PAK3: variants seen among roughly 807,000 people sequenced by gnomAD.
PAK3 encodes the protein serine/threonine-protein kinase PAK 3.
A neutral mutation model predicts 41.0 loss-of-function variants in PAK3; 4 were observed. The ratio of observed to expected loss-of-function variants is 0.10; its 90% confidence interval spans 0.05 to 0.22. The LOEUF is 0.22. Ranked by LOEUF, PAK3 falls within the 10% of genes least tolerant of loss-of-function variation. PAK3 has a pLI of 1.00. For missense variants in PAK3, 205 were observed against 409.9 expected (o/e 0.50, Z 4.32); for synonymous variants, 146 against 139.6 (o/e 1.05, Z -0.32).
chrX:110,998,362 G>A (rs1262678485), intron 1 of PAK3, among the ~76,000 whole-genome samples: 1 of 112,217 alleles, frequency 8.9e-6, no homozygotes, highest in Non-Finnish European at 1.9e-5. Flanking sequence ...ATTCAAGGAA[G>A]AGAGAGTGGT....
intron 1 of PAK3, among the ~76,000 whole-genome samples, chrX:110,947,707 A>G (rs2090648721): frequency 8.9e-6 from 1 of 112,096 alleles, no homozygotes; most frequent in African/African-American, 3.2e-5. Context: ...TTACCCATAG[A>G]GCATGGTGTT....
chrX:111,038,430 G>A (rs1443960274), intron 1 of PAK3, among the ~76,000 whole-genome samples: 1 of 112,158 alleles, frequency 8.9e-6, no homozygotes, highest in Non-Finnish European at 1.9e-5. Context: ...AGAAGCAATG[G>A]CTTCAGCCCT....
intron 7 of PAK3, 38 bp downstream of exon 7, chrX:111,147,928 A>G: frequency 9.1e-7 from 1 of 1,099,995 alleles, no homozygotes; most frequent in Non-Finnish European, 1.3e-6. Flanking sequence ...TGAAAAAGTA[A>G]TTTCAATTTC....
chrX:111,162,246 C>T (rs1470691406), intron 8 of PAK3, among the ~76,000 whole-genome samples: 1 of 111,788 alleles, frequency 8.9e-6, no homozygotes, highest in Non-Finnish European at 1.9e-5. Context: ...GGTATTGTTG[C>T]TATTGTACCA....
chrX:111,024,171 T>C (rs1001281700), intron 1 of PAK3, among the ~76,000 whole-genome samples: 1 of 112,071 alleles, frequency 8.9e-6, no homozygotes, highest in Non-Finnish European at 1.9e-5. Context: ...CATTGCTTGT[T>C]TTTGTCAGGT....
chrX:111,118,918 G>C (rs2093517518), intron 4 of PAK3, among the ~76,000 whole-genome samples: 1 of 111,054 alleles, frequency 9.0e-6, no homozygotes, highest in Non-Finnish European at 1.9e-5. Flanking sequence ...GAGAAATAGG[G>C]CTTTACTGCA....
intron 1 of PAK3, among the ~76,000 whole-genome samples, chrX:110,975,318 G>C (rs1329234357): frequency 1.8e-5 from 2 of 111,770 alleles, no homozygotes; most frequent in African/African-American, 6.5e-5. Context: ...ACCAATAACA[G>C]ACAAACAGAG....
intron 16 of PAK3, among the ~76,000 whole-genome samples, chrX:111,210,885 C>G (rs2094812087): frequency 8.9e-6 from 1 of 111,822 alleles, no homozygotes; most frequent in African/African-American, 3.3e-5. Flanking sequence ...TCCTGGTTTG[C>G]TTGAGATTGA....
intron 1 of PAK3, among the ~76,000 whole-genome samples, chrX:111,041,880 T>G (rs996297226): frequency 1.8e-5 from 2 of 111,960 alleles, no homozygotes; most frequent in Non-Finnish European, 3.8e-5. Context: ...CATTTGACAC[T>G]TAAACACACA....
chrX:111,025,589 A>G (rs888766224), intron 1 of PAK3, among the ~76,000 whole-genome samples: 2 of 111,252 alleles, frequency 1.8e-5, no homozygotes, highest in African/African-American at 6.5e-5. Flanking sequence ...AGATTAAACC[A>G]GGAAGATACA....
intron 4 of PAK3, among the ~76,000 whole-genome samples, chrX:111,112,950 A>G (rs185240041): frequency 2.0e-3 from 219 of 111,866 alleles, no homozygotes; most frequent in Non-Finnish European, 2.7e-3. Flanking sequence ...GGTCTTACAC[A>G]TATTATTTTC....
At chrX:111,187,558 AC>A (rs1329375847) in intron 11 of PAK3, among the ~76,000 whole-genome samples, 1 of 111,358 alleles carries the variant, frequency 9.0e-6, no homozygotes, top group African/African-American at 3.3e-5. Flanking sequence ...ACTGTTCTCA[AC>A]CCAGCAGTGA....
chrX:111,089,683 A>T (rs184431008), intron 1 of PAK3, among the ~76,000 whole-genome samples: 25 of 111,156 alleles, frequency 2.2e-4, no homozygotes, highest in African/African-American at 8.2e-4. Context: ...AAGGAAACAG[A>T]GGAAGTTTGA....
In PAK3 at chrX:111,222,139, A is replaced by G. The variant is rs1032387165; in HGVS notation, c.*1692A>G. On this transcript the variant is annotated 3_prime_UTR_variant, in exon 18 of 18. Coordinates refer to ENST00000372007, the MANE Select transcript of PAK3 (RefSeq NM_002578.5). ...CAATTTGTGTTATAGAAGGCTTCTT[A>G]ATTTGCAGTATAAAAGAATCTAAAC... is the stretch of plus-strand genomic sequence containing the variant. The G allele has an allele frequency of 1.8e-5, 2 of 111,887 alleles. No individual in the cohort carries two copies. Among genetic ancestry groups the G allele is most frequent in the African/African-American group, 6.5e-5 (2 of 30,808 alleles). The allele number at this position is 111,887 out of a possible 1,213,427, so 9.2% of individuals were successfully genotyped here.
intron 1 of PAK3, among the ~76,000 whole-genome samples, chrX:111,016,632 G>A (rs1042285615): frequency 7.3e-5 from 8 of 110,071 alleles, no homozygotes; most frequent in Non-Finnish European, 1.5e-4. Flanking sequence ...TAGAGAGGAG[G>A]ACCACAAATG....
intron 5 of PAK3, among the ~76,000 whole-genome samples, chrX:111,124,568 T>G (rs1388845312): frequency 8.9e-6 from 1 of 112,268 alleles, no homozygotes; most frequent in African/African-American, 3.2e-5. Flanking sequence ...TGCACAAATC[T>G]TTAGTGCTAT....
intron 4 of PAK3, among the ~76,000 whole-genome samples, chrX:111,113,278 T>G (rs2093406871): frequency 9.0e-6 from 1 of 111,428 alleles, no homozygotes; most frequent in African/African-American, 3.3e-5. Flanking sequence ...GTATTCTTAT[T>G]GTATATATGC....
chrX:111,086,333 G>A (rs1006779403), intron 1 of PAK3, among the ~76,000 whole-genome samples: 1 of 111,013 alleles, frequency 9.0e-6, no homozygotes, highest in Non-Finnish European at 1.9e-5. Flanking sequence ...CTAGGGTTGG[G>A]GGAAGAATGA....
At chrX:111,085,088 G>T (rs2092869937) in intron 1 of PAK3, among the ~76,000 whole-genome samples, 1 of 111,941 alleles carries the variant, frequency 8.9e-6, no homozygotes, top group South Asian at 3.7e-4. Context: ...CAGAAAGCAT[G>T]GAACTTATCT....
Sources: gnomAD v4.1 joint callset for allele counts (sites outside exome capture counted in the v4.1 genomes callset) on GRCh38, gnomAD v4.1.1 for gene constraint, MANE v1.5 for transcripts, NCBI Gene and HGNC (gene_info 2026-07-23, HGNC 2026-07-21) for gene names.